The following RAB8A variants were observed in gnomAD, a reference collection of about 807,000 sequenced individuals.
RAB8A encodes the protein ras-related protein Rab-8A.
A neutral mutation model predicts 29.2 loss-of-function variants in RAB8A; 5 were observed. The ratio of observed to expected loss-of-function variants is 0.17; its 90% CI spans 0.09 to 0.36. The LOEUF (loss-of-function observed/expected upper bound fraction) is 0.36. Ranked by LOEUF, RAB8A falls within the 10% of genes least tolerant of loss-of-function variation. The probability of loss-of-function intolerance (pLI) is 1.00; values close to 1 mark genes in which losing one functional copy is unlikely to be tolerated. For synonymous variants in RAB8A, 108 were observed against 99.9 expected, an observed-to-expected ratio of 1.08 and a Z score of -0.49; for missense variants, 171 against 272.2, an observed-to-expected ratio of 0.63 and a Z score of 2.62.
At position 16,132,414 on chromosome 19, in the gene RAB8A, C is replaced by A; in HGVS notation, c.*110C>A. On this transcript the variant is annotated 3_prime_UTR_variant, in exon 8 of 8. Transcript: ENST00000300935. The surrounding 1 kb of genome is among the most constrained non-coding windows in gnomAD (Gnocchi z 5.6). Reference sequence around the variant, plus strand: ...CACCTCCAACGCCCCGCCCACGCCGCGGCCACCGGGCCCACGGCCACCAGA... The same window carrying A: ...CACCTCCAACGCCCCGCCCACGCCGAGGCCACCGGGCCCACGGCCACCAGA... 1 of 1,023,924 alleles carries A rather than the reference C, an allele frequency of 9.8e-7. No homozygotes were observed. Among genetic ancestry groups the A allele is most frequent in the Non-Finnish European group, 1.4e-6 (1 of 695,216 alleles). 63.4% of individuals were successfully genotyped at this position (1,023,924 alleles called of 1,614,324 possible). A position where few individuals can be genotyped will look rare whatever the true frequency, so the allele number is the denominator to read the frequency against.
intron 2 of RAB8A, among the ~76,000 whole-genome samples, chr19:16,121,428 G>T (rs935048079): frequency 6.6e-6 from 1 of 152,116 alleles, no homozygotes; most frequent in Non-Finnish European, 1.5e-5. Flanking sequence ...AACAGCAAGA[G>T]CTATGTTCCT....
chr19:16,125,473 A>G lies in RAB8A; in HGVS notation c.250A>G (p.Ile84Val), dbSNP rs1473869285. Residue 84 changes from isoleucine (I) to valine (V), a missense_variant, in exon 4 of 8, where the codon ATC (isoleucine) becomes GTC (valine). Transcript: ENST00000300935. The surrounding 1 kb of genome is among the most constrained non-coding windows in gnomAD (Gnocchi z 5.0). ...TTAYYRGAMGIMLVYDITNEK... is the reference protein window; with the variant it reads ...TTAYYRGAMGVMLVYDITNEK... The stretch of plus-strand genomic sequence containing the variant: ...TGTGTCTTCTCTCCCCGCGCAGGGC[A>G]TCATGCTGGTCTACGACATCACCAA... The G allele has an allele frequency of 6.2e-7, 1 of 1,613,894 alleles. No individual in the cohort carries two copies. Among genetic ancestry groups the G allele is most frequent in the Non-Finnish European group, 8.5e-7 (1 of 1,179,912 alleles).
At position 16,129,707 on chromosome 19, in the gene RAB8A, C is replaced by G. The variant is rs1000176227; in HGVS notation, c.531+103C>G. Reference sequence around the variant, plus strand: ...TGCCCTAGATCCTGCTTTTTAGGGCCCAGCCAGACCCCATGGGACATTGCT... The same window carrying G: ...TGCCCTAGATCCTGCTTTTTAGGGCGCAGCCAGACCCCATGGGACATTGCT... On this transcript the variant is annotated intron_variant, in intron 7 of 7. Transcript: ENST00000300935. The G allele has an allele frequency of 5.4e-6, 6 of 1,116,918 alleles. No individual in the cohort carries two copies. In the African/African-American group the frequency reaches 7.6e-5, roughly 14 times the overall value. 69.2% of individuals were successfully genotyped at this position (1,116,918 alleles called of 1,614,324 possible).
chr19:16,114,891 C>T (rs193284332), intron 1 of RAB8A, among the ~76,000 whole-genome samples: 1 of 143,962 alleles, frequency 6.9e-6, no homozygotes, highest in Non-Finnish European at 1.5e-5. Flanking sequence ...CCTTGAAGGT[C>T]AGACCTCATA....
rs906177595 is a variant in RAB8A, at chr19:16,127,749, G to A, written c.414+223G>A. The A allele has an allele frequency of 1.7e-5, 10 of 602,440 alleles. No individual in the cohort carries two copies. The African/African-American group carries it at 1.7e-4, about 10-fold the overall frequency. 37.3% of individuals were successfully genotyped at this position (602,440 alleles called of 1,614,324 possible). On this transcript the variant is annotated intron_variant, in intron 5 of 7. Coordinates refer to ENST00000300935, the MANE Select transcript of RAB8A (RefSeq NM_005370.5). This position sits in a 1 kb window ranked among gnomAD's most constrained non-coding sequence, Gnocchi z 4.8. ...CCATGGCCCCGCTCCAGACTTTCAAGACCACAGGAGCGGGGAACAGAGCCA... is the reference window on the plus strand; with the variant it reads ...CCATGGCCCCGCTCCAGACTTTCAAAACCACAGGAGCGGGGAACAGAGCCA...
At chr19:16,123,295 T>C (rs1327782376) in intron 3 of RAB8A, among the ~76,000 whole-genome samples, 1 of 152,212 alleles carries the variant, frequency 6.6e-6, no homozygotes, top group African/African-American at 2.4e-5. Flanking sequence ...CATGTGGCTA[T>C]TTGAATTTAC....
At position 16,122,281 on chromosome 19, in the gene RAB8A, C is replaced by A. The variant is rs916187960; in HGVS notation, c.246+471C>A. Reference sequence around the variant, plus strand: ...CGTGATGGGAAGACTCAGTCATCATCCCTCAAAACATTTCTCAAGCACCTT... The same window carrying A: ...CGTGATGGGAAGACTCAGTCATCATACCTCAAAACATTTCTCAAGCACCTT... On this transcript the variant is annotated intron_variant, in intron 3 of 7. Coordinates refer to ENST00000300935, the MANE Select transcript of RAB8A (RefSeq NM_005370.5). The surrounding 1 kb of genome is among the most constrained non-coding windows in gnomAD (Gnocchi z 4.7). The A allele has an allele frequency of 1.5e-4, 24 of 156,852 alleles. No individual in the cohort carries two copies. The South Asian group carries it at 2.3e-3, about 15-fold the overall frequency. 9.7% of individuals were successfully genotyped at this position (156,852 alleles called of 1,614,324 possible).
rs1470295360 is a variant in RAB8A at position 16,132,403 on chromosome 19, C to T, written c.*99C>T. The T allele has an allele frequency of 5.1e-6, 6 of 1,183,482 alleles. No homozygotes were observed. The highest frequency in any genetic ancestry group is 2.4e-6 in the Non-Finnish European group (2 of 835,320). 73.3% of individuals were successfully genotyped at this position (1,183,482 alleles called of 1,614,324 possible). On this transcript the variant is annotated 3_prime_UTR_variant, in exon 8 of 8. Transcript: ENST00000300935. The surrounding 1 kb of genome is among the most constrained non-coding windows in gnomAD (Gnocchi z 5.6). ...CGGGGCCCTCCCACCTCCAACGCCC[C>T]GCCCACGCCGCGGCCACCGGGCCCA...
chr19:16,120,308 C>CTTTAAT (rs2090868582), intron 2 of RAB8A, among the ~76,000 whole-genome samples: 1 of 130,466 alleles, frequency 7.7e-6, no homozygotes, highest in Non-Finnish European at 1.6e-5. Flanking sequence ...GTTAGGTCAC[C>CTTTAAT]TTTAATTTTT....
At chr19:16,117,829 G>C (rs571940143) in intron 1 of RAB8A, among the ~76,000 whole-genome samples, 1 of 152,176 alleles carries the variant, frequency 6.6e-6, no homozygotes, top group East Asian at 1.9e-4. Context: ...GTGCATTGAC[G>C]CATGGTGGGG....
In RAB8A at chr19:16,121,892, A is replaced by C. The variant is rs1678565091; in HGVS notation, c.246+82A>C. The C allele has an allele frequency of 1.8e-5, 25 of 1,393,472 alleles. No individual in the cohort carries two copies. The East Asian group carries it at 5.5e-4, about 31-fold the overall frequency. The allele number at this position is 1,393,472 out of a possible 1,614,324, so 86.3% of individuals were successfully genotyped here. A position where few individuals can be genotyped will look rare whatever the true frequency, so the allele number is the denominator to read the frequency against. On this transcript the variant is annotated intron_variant, in intron 3 of 7. Transcript: ENST00000300935. ...CACTGTGCATTGGTTACCGAAGCCT[A>C]GATGTTTCTGTGGAGCCCGTGCCCC... is the stretch of plus-strand genomic sequence containing the variant.
At position 16,125,466 on chromosome 19, in the gene RAB8A, G is replaced by A. The variant is rs367845694; in HGVS notation, c.247-4G>A. The A allele has an allele frequency of 2.8e-5, 45 of 1,613,566 alleles. No individual in the cohort carries two copies. The highest frequency in any genetic ancestry group is 5.3e-5 in the African/African-American group (4 of 74,900). On this transcript the variant is annotated splice_region_variant and splice_polypyrimidine_tract_variant and intron_variant, in intron 3 of 7. Coordinates refer to ENST00000300935, the MANE Select transcript of RAB8A (RefSeq NM_005370.5). This position sits in a 1 kb window ranked among gnomAD's most constrained non-coding sequence, Gnocchi z 5.0. Reference sequence around the variant, plus strand: ...AGGCACCTGTGTCTTCTCTCCCCGCGCAGGGCATCATGCTGGTCTACGACA... The same window carrying A: ...AGGCACCTGTGTCTTCTCTCCCCGCACAGGGCATCATGCTGGTCTACGACA...
At chr19:16,128,303 C>T (rs1466508317) in intron 6 of RAB8A, among the ~76,000 whole-genome samples, 1 of 152,198 alleles carries the variant, frequency 6.6e-6, no homozygotes, top group East Asian at 1.9e-4. Flanking sequence ...GGGACAGGCA[C>T]CACAAAGGGC....
At chr19:16,125,000 T>C in intron 3 of RAB8A, 1 of 176,844 alleles carries the variant, frequency 5.7e-6, no homozygotes, top group Non-Finnish European at 1.2e-5. Context: ...GGGTCAGGAC[T>C]TCCTGGGCTC....
intron 2 of RAB8A, 38 bp downstream of exon 2, chr19:16,118,324 CA>C: frequency 6.3e-7 from 1 of 1,581,618 alleles, no homozygotes; most frequent in Non-Finnish European, 8.7e-7. Context: ...CTCCACCTGG[CA>C]ATGGCTTCAA....
chr19:16,129,717 C>T lies in RAB8A; in HGVS notation c.531+113C>T, dbSNP rs571712374. 13 of 1,037,036 alleles carry T rather than the reference C, an allele frequency of 1.3e-5. No homozygotes were observed. The African/African-American group carries it at 1.9e-4, about 15-fold the overall frequency. 64.2% of individuals were successfully genotyped at this position (1,037,036 alleles called of 1,614,324 possible). ...CCTGCTTTTTAGGGCCCAGCCAGAC[C>T]CCATGGGACATTGCTGGGAAAGGGG... On this transcript the variant is annotated intron_variant, in intron 7 of 7. Transcript: ENST00000300935.
rs549029485 is a variant in RAB8A at position 16,122,339 on chromosome 19, C to T, written c.246+529C>T. On this transcript the variant is annotated intron_variant, in intron 3 of 7. Coordinates refer to ENST00000300935, the MANE Select transcript of RAB8A (RefSeq NM_005370.5). This position sits in a 1 kb window ranked among gnomAD's most constrained non-coding sequence, Gnocchi z 4.7. ...CCAGGCCTTAACTAGATGCAGAAGG[C>T]GGCCAGGGATGGGACGAGGTCCTGT... 1.1e-4 allele frequency among the ~76,000 whole-genome samples: 16 copies of T among 152,286 alleles called. No homozygotes were observed. Among genetic ancestry groups the T allele is most frequent in the African/African-American group, 3.1e-4 (13 of 41,568 alleles).
intron 3 of RAB8A, 107 bp downstream of exon 3, chr19:16,121,917 C>T: frequency 8.9e-7 from 1 of 1,128,408 alleles, no homozygotes; most frequent in Non-Finnish European, 1.3e-6. Flanking sequence ...GCCCGTGCCC[C>T]AACTCCTCAG....
chr19:16,121,924 T>C (rs1222256181), intron 3 of RAB8A, 114 bp downstream of exon 3: 4 of 1,017,952 alleles, frequency 3.9e-6, no homozygotes, highest in Non-Finnish European at 6.0e-6. Context: ...CCCCAACTCC[T>C]CAGGGCTCCT....
Sources: allele counts gnomAD v4.1 joint callset (sites outside exome capture counted in the v4.1 genomes callset), GRCh38; gene constraint gnomAD v4.1.1; non-coding constraint Gnocchi (gnomAD v3.1); transcripts MANE v1.5; gene names NCBI Gene and HGNC (gene_info 2026-07-23, HGNC 2026-07-21).